The following BRINP3 variants were observed in gnomAD, a reference collection of about 807,000 sequenced individuals.
The protein encoded by BRINP3 is BMP/retinoic acid-inducible neural-specific protein 3.
A neutral mutation model predicts 71.0 loss-of-function variants in BRINP3; 19 were observed. The observed-to-expected ratio is 0.27, with a 90% CI of 0.19 to 0.39. The LOEUF (loss-of-function observed/expected upper bound fraction) is 0.39, where lower values mean the gene tolerates loss of function less well. Among genes scored for constraint, BRINP3 ranks in the 10% least tolerant of loss-of-function variants. BRINP3 has a pLI of 1.00. For synonymous variants in BRINP3, 380 were observed against 337.7 expected, an observed-to-expected ratio of 1.13 and a Z score of -1.37; for missense variants, 959 against 940.8, an observed-to-expected ratio of 1.02 and a Z score of -0.25.
chr1:190,307,021 A>C (rs771570974), intron 2 of BRINP3, among the ~76,000 whole-genome samples: 32 of 151,762 alleles, frequency 2.1e-4, no homozygotes, highest in Non-Finnish European at 4.3e-4. Context: ...TGAGGAGCAC[A>C]TATTGTTTAA....
chr1:190,435,832 G>A (rs1054524584), intron 2 of BRINP3, among the ~76,000 whole-genome samples: 2 of 151,936 alleles, frequency 1.3e-5, no homozygotes, highest in Admixed American at 6.6e-5. Flanking sequence ...TTAGAGAAAC[G>A]AGAAACATGG....
At chr1:190,241,981 CCT>C (rs1659143154) in intron 4 of BRINP3, among the ~76,000 whole-genome samples, 1 of 151,446 alleles carries the variant, frequency 6.6e-6, no homozygotes, top group East Asian at 1.9e-4. Context: ...TAATATTTTT[CCT>C]CTGATAGTCA....
chr1:190,120,386 G>T (rs1653536121), intron 7 of BRINP3, among the ~76,000 whole-genome samples: 1 of 151,910 alleles, frequency 6.6e-6, no homozygotes, highest in Admixed American at 6.6e-5. Flanking sequence ...AAAACAGCAG[G>T]TTCATTGATT....
chr1:190,464,494 T>C (rs928205868), intron 1 of BRINP3, among the ~76,000 whole-genome samples: 2 of 151,996 alleles, frequency 1.3e-5, no homozygotes, highest in East Asian at 1.9e-4. Context: ...GCAGTTATTA[T>C]GTTTTCGTAA....
At chr1:190,467,435 A>G (rs1256032860) in intron 1 of BRINP3, among the ~76,000 whole-genome samples, 1 of 151,554 alleles carries the variant, frequency 6.6e-6, no homozygotes, top group Non-Finnish European at 1.5e-5. Flanking sequence ...TTAAATCTTT[A>G]TATGCTGTTT....
At chr1:190,378,751 A>C (rs1467142534) in intron 2 of BRINP3, among the ~76,000 whole-genome samples, 1 of 152,270 alleles carries the variant, frequency 6.6e-6, no homozygotes, top group East Asian at 1.9e-4. Context: ...GAACCAGAAT[A>C]ATGGTCCCCT....
At position 190,449,733 on chromosome 1, in the gene BRINP3, T is replaced by G. The variant is rs1239099667; in HGVS notation, c.236+4922A>C. On this transcript the variant is annotated intron_variant, in intron 2 of 7. Transcript: ENST00000367462. The stretch of plus-strand genomic sequence containing the variant: ...AGGAGACTGCACTGATATGTAGTGG[T>G]TTGGGCTTAATTATCAGTGTATAGC... 2.6e-5 allele frequency among the ~76,000 whole-genome samples: 4 copies of G among 152,128 alleles called. No individual in the cohort carries two copies. In the East Asian group the frequency reaches 5.8e-4, roughly 22 times the overall value.
chr1:190,246,490 C>A (rs1041235639), intron 4 of BRINP3, among the ~76,000 whole-genome samples: 4 of 151,442 alleles, frequency 2.6e-5, no homozygotes, highest in African/African-American at 9.7e-5. Context: ...TCACTTAACA[C>A]TAAAATGCAC....
At chr1:190,195,993 C>T (rs532145248) in intron 6 of BRINP3, among the ~76,000 whole-genome samples, 1 of 152,182 alleles carries the variant, frequency 6.6e-6, no homozygotes, top group Admixed American at 6.6e-5. Flanking sequence ...TAACTGTTGG[C>T]AGTTGTTCAA....
chr1:190,154,380 T>A (rs1220449113), intron 7 of BRINP3, among the ~76,000 whole-genome samples: 2 of 152,168 alleles, frequency 1.3e-5, no homozygotes, highest in Non-Finnish European at 1.5e-5. Flanking sequence ...TAAAGAGTGA[T>A]CCACATAGCC....
At chr1:190,372,341 T>A (rs563530084) in intron 2 of BRINP3, among the ~76,000 whole-genome samples, 1 of 152,284 alleles carries the variant, frequency 6.6e-6, no homozygotes, top group East Asian at 1.9e-4. Context: ...TTTCACTGTA[T>A]CCTGCAATGA....
At chr1:190,449,933 C>T (rs914350906) in intron 2 of BRINP3, among the ~76,000 whole-genome samples, 3 of 152,126 alleles carry the variant, frequency 2.0e-5, no homozygotes, top group African/African-American at 7.2e-5. Flanking sequence ...CGTATATTCC[C>T]TTCCAGAGTT....
intron 1 of BRINP3, among the ~76,000 whole-genome samples, chr1:190,467,160 T>A (rs887575341): frequency 6.6e-6 from 1 of 151,568 alleles, no homozygotes; most frequent in African/African-American, 2.4e-5. Flanking sequence ...AGAGTTATAT[T>A]TACAGTATCA....
intron 2 of BRINP3, among the ~76,000 whole-genome samples, chr1:190,307,607 G>A (rs1665208093): frequency 6.6e-6 from 1 of 151,486 alleles, no homozygotes; most frequent in African/African-American, 2.4e-5. Flanking sequence ...AACTAGTTAA[G>A]TTATTCTAGT....
At chr1:190,297,779 C>CGTGTGTGTGT (rs58341057) in intron 2 of BRINP3, among the ~76,000 whole-genome samples, 18 of 146,630 alleles carry the variant, frequency 1.2e-4, no homozygotes, top group Non-Finnish European at 1.8e-4. Flanking sequence ...TCTGTTTTCT[C>CGTGTGTGTGT]GTGTGTGTGT....
intron 2 of BRINP3, among the ~76,000 whole-genome samples, chr1:190,333,800 T>C (rs1237227718): frequency 6.6e-6 from 1 of 151,936 alleles, no homozygotes; most frequent in Non-Finnish European, 1.5e-5. Context: ...CCAATCTATA[T>C]CTTGTGATCT....
intron 3 of BRINP3, among the ~76,000 whole-genome samples, chr1:190,275,095 G>C (rs2102911802): frequency 6.6e-6 from 1 of 151,548 alleles, no homozygotes; most frequent in South Asian, 2.1e-4. Flanking sequence ...CAAATTTGAA[G>C]GTACCATGAT....
chr1:190,327,773 A>G (rs1283952798), intron 2 of BRINP3, among the ~76,000 whole-genome samples: 1 of 152,098 alleles, frequency 6.6e-6, no homozygotes, highest in Non-Finnish European at 1.5e-5. Flanking sequence ...ATGTTTGCTG[A>G]ATTTAAACTG....
At chr1:190,428,463 A>G (rs116836624) in intron 2 of BRINP3, among the ~76,000 whole-genome samples, 18 of 151,970 alleles carry the variant, frequency 1.2e-4, no homozygotes. Flanking sequence ...TTCTAATGAA[A>G]AAAAGTATTT....
Sources: gnomAD v4.1 joint callset for allele counts (sites outside exome capture counted in the v4.1 genomes callset) on GRCh38, gnomAD v4.1.1 for gene constraint, MANE v1.5 for transcripts, NCBI Gene and HGNC (gene_info 2026-07-23, HGNC 2026-07-21) for gene names.